The following ZSCAN25 variants were observed in gnomAD, a reference collection of about 807,000 sequenced individuals.
The protein encoded by ZSCAN25 is zinc finger and SCAN domain-containing protein 25.
In ZSCAN25, 27 loss-of-function variants were observed where a neutral mutation model predicts 38.7. The observed-to-expected ratio is 0.70, with a 90% CI of 0.51 to 0.96. ZSCAN25 has a LOEUF of 0.96. ZSCAN25 is among the 40% of genes least tolerant of loss of function. The pLI is 0.00. For missense variants in ZSCAN25, 637 were observed against 705.9 expected (o/e 0.90, Z 1.11); for synonymous variants, 273 against 277.7 (o/e 0.98, Z 0.17).
chr7:99,663,030 G>A, the ZSCAN25 span: 1 of 1,401,644 alleles, frequency 7.1e-7, no homozygotes, highest in Non-Finnish European at 9.3e-7. Flanking sequence ...AGTCACCAGT[G>A]AACAAAAACA....
At chr7:99,644,713 G>C in the ZSCAN25 span, among the ~76,000 whole-genome samples, 3 of 152,154 alleles carry the variant, frequency 2.0e-5, no homozygotes, top group African/African-American at 7.2e-5. Context: ...CACATTCCTA[G>C]GGATTATGAT....
At chr7:99,672,429 A>G in the ZSCAN25 span, 1 of 655,030 alleles carries the variant, frequency 1.5e-6, no homozygotes, top group East Asian at 2.8e-5. Flanking sequence ...CAAGATTGCA[A>G]GATGTTACCA....
the ZSCAN25 span, chr7:99,652,546 C>A: frequency 6.3e-7 from 1 of 1,594,882 alleles, no homozygotes; most frequent in Non-Finnish European, 8.6e-7. Flanking sequence ...TCCCTGGAGA[C>A]TTGTACCTTT....
At chr7:99,671,639 T>G in the ZSCAN25 span, 1 of 571,702 alleles carries the variant, frequency 1.7e-6, no homozygotes, top group Non-Finnish European at 3.1e-6. Flanking sequence ...TATATAACTC[T>G]TAGAAAAAGC....
chr7:99,711,781 AAACAAC>A, the ZSCAN25 span, among the ~76,000 whole-genome samples: 2 of 151,330 alleles, frequency 1.3e-5, no homozygotes, highest in East Asian at 2.0e-4. Flanking sequence ...AAACAAAACA[AAACAAC>A]AACAACAACA....
chr7:99,679,270 GA>G, the ZSCAN25 span, among the ~76,000 whole-genome samples: 1 of 152,146 alleles, frequency 6.6e-6, no homozygotes. Context: ...AGAGCCAGGG[GA>G]CAGCTTCCCA....
At chr7:99,648,061 G>A in the ZSCAN25 span, 1 of 1,115,490 alleles carries the variant, frequency 9.0e-7, no homozygotes, top group Non-Finnish European at 1.1e-6. Context: ...GTAGTCCTAT[G>A]AGAAGCAGAG....
the ZSCAN25 span, among the ~76,000 whole-genome samples, chr7:99,682,193 C>T: frequency 6.5e-4 from 99 of 152,318 alleles, no homozygotes; most frequent in Middle Eastern, 3.4e-3. Context: ...TGGTCTTGAA[C>T]TCCTGACCTC....
At chr7:99,684,900 CAAAG>C in the ZSCAN25 span, 1 of 315,738 alleles carries the variant, frequency 3.2e-6, no homozygotes, top group Non-Finnish European at 5.8e-6. Context: ...CTGTGAGAAA[CAAAG>C]AAGCCAAATC....
At chr7:99,692,531 C>T in the ZSCAN25 span, among the ~76,000 whole-genome samples, 1 of 152,174 alleles carries the variant, frequency 6.6e-6, no homozygotes, top group Non-Finnish European at 1.5e-5. Context: ...TTCTGATACA[C>T]CTGTCAAATG....
chr7:99,699,685 G>A, the ZSCAN25 span, among the ~76,000 whole-genome samples: 28 of 152,266 alleles, frequency 1.8e-4, no homozygotes, highest in South Asian at 1.2e-3. Context: ...TCATTGATTA[G>A]TATAGGTCAA....
In ZSCAN25 at chr7:99,618,739, C is replaced by T. The variant is rs553727126; in HGVS notation, c.-132+88C>T. ...CTTTTATAAAACATGTAGTTCCTCG[C>T]TAAAGTAAGAAATAAGAATAAAGTT... On this transcript the variant is annotated intron_variant, in intron 2 of 7. Transcript: ENST00000394152. 3.9e-5 allele frequency: 6 copies of T among 152,302 alleles called. No homozygotes were observed. In the East Asian group the frequency reaches 1.2e-3, roughly 29 times the overall value. The allele number at this position is 152,302 out of a possible 1,614,324, so 9.4% of individuals were successfully genotyped here.
the ZSCAN25 span, among the ~76,000 whole-genome samples, chr7:99,728,906 G>A: frequency 6.6e-6 from 1 of 152,130 alleles, no homozygotes; most frequent in Non-Finnish European, 1.5e-5. Flanking sequence ...TCAGACCCAG[G>A]TTGACTTCTT....
chr7:99,713,418 C>T, the ZSCAN25 span: 6 of 1,610,828 alleles, frequency 3.7e-6, no homozygotes, highest in South Asian at 3.3e-5. Context: ...CAGAACAAAA[C>T]CTTCCCTCTG....
At chr7:99,680,080 A>T in the ZSCAN25 span, 2 of 606,962 alleles carry the variant, frequency 3.3e-6, no homozygotes, top group Non-Finnish European at 5.9e-6. Context: ...AGAATCGCAC[A>T]CACCCCTTTG....
the ZSCAN25 span, among the ~76,000 whole-genome samples, chr7:99,684,640 A>G: frequency 3.1e-4 from 47 of 152,306 alleles, no homozygotes; most frequent in Middle Eastern, 3.4e-3. Context: ...ATTCAGTTCT[A>G]TAGATTTCTC....
At chr7:99,700,989 G>A in the ZSCAN25 span, among the ~76,000 whole-genome samples, 3 of 152,214 alleles carry the variant, frequency 2.0e-5, no homozygotes, top group East Asian at 3.9e-4. Flanking sequence ...CTTACCTGTT[G>A]AGAGTTGTAC....
chr7:99,634,890 C>A (rs1400454282), downstream of ZSCAN25, among the ~76,000 whole-genome samples: 1 of 152,016 alleles, frequency 6.6e-6, no homozygotes, highest in Non-Finnish European at 1.5e-5. Flanking sequence ...TGCAGTGAGC[C>A]GAGATCATGC....
chr7:99,685,139 T>G, the ZSCAN25 span: 2 of 1,588,838 alleles, frequency 1.3e-6, no homozygotes, highest in Non-Finnish European at 1.7e-6. Flanking sequence ...CTTAGGGAAA[T>G]TCAGGTTCCA....
Sources: gnomAD v4.1 joint callset for allele counts (sites outside exome capture counted in the v4.1 genomes callset) on GRCh38, gnomAD v4.1.1 for gene constraint, MANE v1.5 for transcripts, NCBI Gene and HGNC (gene_info 2026-07-23, HGNC 2026-07-21) for gene names.